ZFAT: variants seen among roughly 807,000 people sequenced by gnomAD.
ZFAT encodes zinc finger protein ZFAT.
ZFAT carries 64 observed loss-of-function variants against 117.7 expected under a neutral mutation model. That is an observed-to-expected ratio of 0.54 (90% CI 0.44 to 0.67). The LOEUF (loss-of-function observed/expected upper bound fraction) is 0.67. Ranked by LOEUF, ZFAT falls within the 30% of genes least tolerant of loss-of-function variation. The pLI, the probability that ZFAT is intolerant of heterozygous loss-of-function variation, is 0.00. For missense variants in ZFAT, 1,433 were observed against 1,584.5 expected (o/e 0.90, Z 1.62); for synonymous variants, 679 against 615.0 (o/e 1.10, Z -1.54).
At chr8:134,493,069 G>T (rs1818166812) in intron 15 of ZFAT, among the ~76,000 whole-genome samples, 1 of 152,208 alleles carries the variant, frequency 6.6e-6, no homozygotes, top group Non-Finnish European at 1.5e-5. Context: ...TGTCTTGGTT[G>T]TAAGTAGACA....
chr8:134,571,451 G>GACCTCAAATGAGTTTCTGTC (rs1824893851), intron 10 of ZFAT, among the ~76,000 whole-genome samples: 1 of 129,650 alleles, frequency 7.7e-6, no homozygotes, highest in African/African-American at 2.6e-5. Flanking sequence ...CGACTTCTGT[G>GACCTCAAATGAGTTTCTGTC]ACCTCAAATG....
At chr8:134,557,951 A>G (rs1485505755) in intron 11 of ZFAT, among the ~76,000 whole-genome samples, 2 of 152,242 alleles carry the variant, frequency 1.3e-5, no homozygotes, top group Non-Finnish European at 2.9e-5. Context: ...CTTTCTTTGC[A>G]GAATTCAAAA....
chr8:134,760,046 C>T, the ZFAT span, among the ~76,000 whole-genome samples: 30 of 148,766 alleles, frequency 2.0e-4, no homozygotes, highest in Middle Eastern at 3.6e-3. Flanking sequence ...TTTGGGAGGC[C>T]AAGGCGGGCG....
At chr8:134,493,187 G>A (rs988568895) in intron 15 of ZFAT, among the ~76,000 whole-genome samples, 2 of 152,184 alleles carry the variant, frequency 1.3e-5, no homozygotes, top group African/African-American at 4.8e-5. Context: ...TGTGTCACCT[G>A]GGTCTCTGCA....
intron 12 of ZFAT, among the ~76,000 whole-genome samples, chr8:134,526,577 C>T (rs185449044): frequency 6.6e-5 from 10 of 152,272 alleles, no homozygotes; most frequent in South Asian, 2.1e-4. Context: ...GATGATGGTA[C>T]GCTTTGCTCT....
At chr8:134,481,544 A>T (rs1260741110) in intron 15 of ZFAT, among the ~76,000 whole-genome samples, 2 of 152,218 alleles carry the variant, frequency 1.3e-5, no homozygotes, top group African/African-American at 4.8e-5. Context: ...CTTTAAAAAC[A>T]CTAACACCAC....
chr8:134,480,210 C>A (rs962274906), intron 15 of ZFAT, among the ~76,000 whole-genome samples: 3 of 152,238 alleles, frequency 2.0e-5, no homozygotes, highest in Non-Finnish European at 4.4e-5. Flanking sequence ...GATCCACCCA[C>A]CTTGGCCTCC....
the ZFAT span, among the ~76,000 whole-genome samples, chr8:134,736,403 T>C: frequency 2.0e-5 from 3 of 152,174 alleles, no homozygotes; most frequent in Non-Finnish European, 4.4e-5. Context: ...GGGTGTGACA[T>C]GGTGGCCCTG....
upstream of ZFAT, among the ~76,000 whole-genome samples, chr8:134,716,221 A>G (rs887476858): frequency 1.3e-5 from 2 of 151,966 alleles, no homozygotes; most frequent in East Asian, 1.9e-4. Flanking sequence ...ACACACATAT[A>G]TATCTATAAA....
intron 12 of ZFAT, among the ~76,000 whole-genome samples, chr8:134,524,048 T>A (rs1820849578): frequency 6.6e-6 from 1 of 152,232 alleles, no homozygotes; most frequent in Admixed American, 6.5e-5. Flanking sequence ...ACCCGGCATC[T>A]AGCTTCTCCT....
the ZFAT span, among the ~76,000 whole-genome samples, chr8:134,743,160 T>C: frequency 6.6e-6 from 1 of 152,206 alleles, no homozygotes; most frequent in South Asian, 2.1e-4. Flanking sequence ...AAAGCCTCAC[T>C]GGTTTGGGTT....
At chr8:134,640,306 T>G (rs2131122248) in intron 2 of ZFAT, among the ~76,000 whole-genome samples, 1 of 152,310 alleles carries the variant, frequency 6.6e-6, no homozygotes, top group African/African-American at 2.4e-5. Context: ...CCTCCAAACT[T>G]GTGGCTGGTA....
At chr8:134,724,285 A>G in the ZFAT span, among the ~76,000 whole-genome samples, 1 of 152,224 alleles carries the variant, frequency 6.6e-6, no homozygotes, top group African/African-American at 2.4e-5. Context: ...CTCCAAGCCC[A>G]GTCAAGGCAT....
At position 134,662,617 on chromosome 8, in the gene ZFAT, G is replaced by A. The variant is rs149592254; in HGVS notation, c.20-4880C>T. ...GCTCTAATAAAAGGAAGCATCCTTTGGCCGGCTGGGTGACAATGGCCACCG... is the reference window on the plus strand; with the variant it reads ...GCTCTAATAAAAGGAAGCATCCTTTAGCCGGCTGGGTGACAATGGCCACCG... On this transcript the variant is annotated intron_variant, in intron 1 of 15. Coordinates refer to ENST00000377838, the MANE Select transcript of ZFAT (RefSeq NM_020863.4). Among the ~76,000 whole-genome samples the A allele has an allele frequency of 1.2e-4, 18 of 152,338 alleles. 1 individual carries two copies. The highest frequency in any genetic ancestry group is 4.3e-4 in the African/African-American group (18 of 41,586).
intron 10 of ZFAT, among the ~76,000 whole-genome samples, chr8:134,567,060 G>C (rs926799800): frequency 6.6e-6 from 1 of 152,124 alleles, no homozygotes; most frequent in East Asian, 1.9e-4. Flanking sequence ...GTAAACCTTT[G>C]ATGCCAAAAT....
intron 1 of ZFAT, among the ~76,000 whole-genome samples, chr8:134,711,855 G>A (rs553527337): frequency 6.6e-6 from 1 of 152,236 alleles, no homozygotes; most frequent in South Asian, 2.1e-4. Context: ...GGTGTCCCTG[G>A]GGGTTAGAGG....
the ZFAT span, among the ~76,000 whole-genome samples, chr8:134,746,772 A>G: frequency 6.6e-6 from 1 of 152,214 alleles, no homozygotes; most frequent in Non-Finnish European, 1.5e-5. Context: ...CGAGTTGAAG[A>G]GTAGAGTTAT....
chr8:134,648,657 A>G (rs1771196605), intron 2 of ZFAT, among the ~76,000 whole-genome samples: 1 of 152,130 alleles, frequency 6.6e-6, no homozygotes, highest in African/African-American at 2.4e-5. Flanking sequence ...AATCAGTGAA[A>G]AAATAAAAAG....
At chr8:134,580,288 A>G (rs1417452854) in intron 10 of ZFAT, among the ~76,000 whole-genome samples, 1 of 152,228 alleles carries the variant, frequency 6.6e-6, no homozygotes, top group Non-Finnish European at 1.5e-5. Flanking sequence ...AGAGCAACCT[A>G]TTCAGTTATT....
Sources: allele counts gnomAD v4.1 joint callset (sites outside exome capture counted in the v4.1 genomes callset), GRCh38; gene constraint gnomAD v4.1.1; transcripts MANE v1.5; gene names NCBI Gene and HGNC (gene_info 2026-07-23, HGNC 2026-07-21).